Variants in NETO1 observed in about 807,000 individuals in gnomAD.
NETO1 encodes the protein neuropilin and tolloid-like protein 1.
NETO1 carries 26 observed loss-of-function variants against 61.3 expected under a neutral mutation model. That is an observed-to-expected ratio of 0.42 (90% CI 0.31 to 0.59). The LOEUF (loss-of-function observed/expected upper bound fraction) is 0.59, where lower values mean the gene tolerates loss of function less well. Among genes scored for constraint, NETO1 ranks in the 20% least tolerant of loss-of-function variants. The pLI, the probability that NETO1 is intolerant of heterozygous loss-of-function variation, is 0.12. For missense variants in NETO1, 531 were observed against 662.8 expected, an observed-to-expected ratio of 0.80 and a Z score of 2.18; for synonymous variants, 225 against 225.8, an observed-to-expected ratio of 1.00 and a Z score of 0.03.
intron 7 of NETO1, among the ~76,000 whole-genome samples, chr18:72,778,258 C>T (rs1032789521): frequency 1.3e-5 from 2 of 152,152 alleles, no homozygotes; most frequent in African/African-American, 4.8e-5. Flanking sequence ...AGCAATAGGT[C>T]CTGATTTCCA....
chr18:72,857,076 T>C (rs1398110834), intron 4 of NETO1, among the ~76,000 whole-genome samples: 1 of 152,234 alleles, frequency 6.6e-6, no homozygotes, highest in Non-Finnish European at 1.5e-5. Context: ...ATGTCAACTT[T>C]TGCTGTCATG....
intron 4 of NETO1, among the ~76,000 whole-genome samples, chr18:72,843,642 T>C (rs994026018): frequency 6.6e-6 from 1 of 152,098 alleles, no homozygotes; most frequent in African/African-American, 2.4e-5. Flanking sequence ...CCTTTTTTGG[T>C]AACCAGCCTC....
intron 4 of NETO1, among the ~76,000 whole-genome samples, chr18:72,840,945 T>C (rs1401998594): frequency 6.6e-6 from 1 of 152,204 alleles, no homozygotes; most frequent in Non-Finnish European, 1.5e-5. Context: ...CCATGTAGTC[T>C]TGAGCACTCT....
At chr18:72,821,874 G>A (rs1244323799) in intron 4 of NETO1, among the ~76,000 whole-genome samples, 1 of 152,102 alleles carries the variant, frequency 6.6e-6, no homozygotes, top group Non-Finnish European at 1.5e-5. Context: ...AATCATAATG[G>A]GTAAAGCCTG....
At chr18:72,751,643 G>A (rs2070621635) in intron 8 of NETO1, among the ~76,000 whole-genome samples, 1 of 152,134 alleles carries the variant, frequency 6.6e-6, no homozygotes, top group Admixed American at 6.5e-5. Context: ...TGCCAGGCTT[G>A]GATCATGCTT....
intron 7 of NETO1, among the ~76,000 whole-genome samples, chr18:72,759,444 C>T (rs2070897906): frequency 1.3e-5 from 2 of 152,012 alleles, no homozygotes; most frequent in African/African-American, 4.8e-5. Context: ...TGTTTAATCG[C>T]TCATAATGGC....
rs2070546910 is a variant in NETO1, at chr18:72,750,195, T to C, written c.1408A>G (p.Met470Val). The C allele has an allele frequency of 1.2e-6, 2 of 1,614,050 alleles. No individual in the cohort carries two copies. Among genetic ancestry groups the C allele is most frequent in the Non-Finnish European group, 8.5e-7 (1 of 1,179,964 alleles). Residue 470 changes from methionine (M) to valine (V), a missense_variant, in exon 9 of 11, where the codon ATG becomes GTG. Coordinates refer to ENST00000327305, the MANE Select transcript of NETO1 (RefSeq NM_138966.5). ...TQPGKPLIPP[M>V]NRRNILVMKH... ...ATGACAAGGATATTTCTTCTGTTCA[T>C]GGGTGGGATGAGGGGTTTTCCTGGC...
intron 4 of NETO1, among the ~76,000 whole-genome samples, chr18:72,839,365 C>T (rs924885845): frequency 7.9e-5 from 12 of 152,102 alleles, no homozygotes; most frequent in Non-Finnish European, 1.2e-4. Flanking sequence ...ACAGGAAAAA[C>T]GATACAATTT....
At chr18:72,860,711 G>C (rs1163225603) in intron 3 of NETO1, among the ~76,000 whole-genome samples, 2 of 150,334 alleles carry the variant, frequency 1.3e-5, no homozygotes, top group Non-Finnish European at 3.0e-5. Flanking sequence ...ACAGATTTGA[G>C]GGAGTTTCAA....
chr18:72,807,822 T>TTGTTGTTGTTGTATGTTGCTGTTGC (rs2072728421), intron 4 of NETO1, among the ~76,000 whole-genome samples: 1 of 152,032 alleles, frequency 6.6e-6, no homozygotes, highest in South Asian at 2.1e-4. Context: ...TTTGTTGTTC[T>TTGTTGTTGTTGTATGTTGCTGTTGC]TGTTGTTGTT....
At chr18:72,865,717 CT>C in intron 1 of NETO1, 1 of 1,523,498 alleles carries the variant, frequency 6.6e-7, no homozygotes, top group Non-Finnish European at 8.8e-7. Flanking sequence ...AAAATAAATA[CT>C]TAGACAAATC....
At chr18:72,777,700 G>A (rs1599153416) in intron 7 of NETO1, among the ~76,000 whole-genome samples, 1 of 150,252 alleles carries the variant, frequency 6.7e-6, no homozygotes, top group Admixed American at 6.6e-5. Flanking sequence ...CTGAGATTGC[G>A]CCACTGCACT....
chr18:72,774,062 G>A (rs376509930), intron 7 of NETO1, among the ~76,000 whole-genome samples: 1 of 151,986 alleles, frequency 6.6e-6, no homozygotes, highest in African/African-American at 2.4e-5. Context: ...AATTCCATAC[G>A]ACCATAATGT....
At chr18:72,838,428 C>T (rs1361512100) in intron 4 of NETO1, among the ~76,000 whole-genome samples, 1 of 152,194 alleles carries the variant, frequency 6.6e-6, no homozygotes, top group Non-Finnish European at 1.5e-5. Flanking sequence ...CCTGGATGGG[C>T]AGGTTCTTTC....
chr18:72,811,834 T>A (rs1240556832), intron 4 of NETO1, among the ~76,000 whole-genome samples: 6 of 152,180 alleles, frequency 3.9e-5, no homozygotes, highest in Non-Finnish European at 5.9e-5. Flanking sequence ...AACTCATTAA[T>A]GAATCCATGG....
intron 4 of NETO1, among the ~76,000 whole-genome samples, chr18:72,828,365 C>T (rs1007686571): frequency 6.6e-6 from 1 of 151,404 alleles, no homozygotes; most frequent in East Asian, 1.9e-4. Flanking sequence ...CATCATCATA[C>T]ATGAGAGCTA....
At chr18:72,805,963 T>G (rs2145167266) in intron 4 of NETO1, among the ~76,000 whole-genome samples, 1 of 152,284 alleles carries the variant, frequency 6.6e-6, no homozygotes, top group African/African-American at 2.4e-5. Flanking sequence ...TAAGTAAATC[T>G]TTTTCATTTG....
At chr18:72,806,324 T>C (rs2072673618) in intron 4 of NETO1, among the ~76,000 whole-genome samples, 1 of 152,170 alleles carries the variant, frequency 6.6e-6, no homozygotes, top group Admixed American at 6.5e-5. Flanking sequence ...AAAGACTCCA[T>C]GAGCTAGGAA....
rs2073781097 is a variant in NETO1, at chr18:72,837,275, G to A, written c.469+21551C>T. On this transcript the variant is annotated intron_variant, in intron 4 of 10. Transcript: ENST00000327305. ...ATAAACATGTGCAGGGTACATCTAGGGAATTCCTGGTACATAGCTCTGAAT... is the reference window on the plus strand; with the variant it reads ...ATAAACATGTGCAGGGTACATCTAGAGAATTCCTGGTACATAGCTCTGAAT... Among the ~76,000 whole-genome samples the A allele has an allele frequency of 1.3e-5, 2 of 152,068 alleles. 1 individual carries two copies. The highest frequency in any genetic ancestry group is 4.1e-4 in the South Asian group (2 of 4,824).
Sources: allele counts gnomAD v4.1 joint callset (sites outside exome capture counted in the v4.1 genomes callset), GRCh38; gene constraint gnomAD v4.1.1; transcripts MANE v1.5; gene names NCBI Gene and HGNC (gene_info 2026-07-23, HGNC 2026-07-21).